The following CTNND2 variants were observed in gnomAD, a reference collection of about 807,000 sequenced individuals.
The protein encoded by CTNND2 is catenin delta 2, also known as catenin delta-2.
CTNND2 carries 22 observed loss-of-function variants against 144.4 expected under a neutral mutation model. That is an observed-to-expected ratio of 0.15 (90% CI 0.11 to 0.22). CTNND2 has a LOEUF of 0.22. Ranked by LOEUF, CTNND2 falls within the 10% of genes least tolerant of loss-of-function variation. CTNND2 has a pLI of 1.00. For missense variants in CTNND2, 1,353 were observed against 1,618.8 expected (o/e 0.84, Z 2.82); for synonymous variants, 751 against 695.6 (o/e 1.08, Z -1.25).
chr5:11,606,770 G>A (rs1780069109), intron 2 of CTNND2, among the ~76,000 whole-genome samples: 1 of 152,186 alleles, frequency 6.6e-6, no homozygotes, highest in South Asian at 2.1e-4. Flanking sequence ...CAGATAAACA[G>A]AGAATGTCTT....
intron 6 of CTNND2, 79 bp from the exon 7 acceptor site, chr5:11,385,308 G>A (rs1352485819): frequency 1.0e-6 from 1 of 960,910 alleles, no homozygotes; most frequent in Non-Finnish European, 1.3e-6. Flanking sequence ...CCGGCCCCGA[G>A]AGCAGAGGCA....
intron 16 of CTNND2, among the ~76,000 whole-genome samples, chr5:11,066,319 T>C (rs1234483402): frequency 6.6e-6 from 1 of 152,252 alleles, no homozygotes; most frequent in Non-Finnish European, 1.5e-5. Context: ...ATTACAGGCA[T>C]GCGCCACCGC....
chr5:11,260,597 A>T (rs1021282996), intron 9 of CTNND2, among the ~76,000 whole-genome samples: 1 of 152,182 alleles, frequency 6.6e-6, no homozygotes, highest in Non-Finnish European at 1.5e-5. Flanking sequence ...GTCGAAGGGG[A>T]AAAGGCAAGA....
chr5:11,784,017 C>T (rs1442361621), intron 1 of CTNND2, among the ~76,000 whole-genome samples: 1 of 152,194 alleles, frequency 6.6e-6, no homozygotes, highest in African/African-American at 2.4e-5. Context: ...AGATGGACCA[C>T]ATACCATGTC....
intron 1 of CTNND2, among the ~76,000 whole-genome samples, chr5:11,742,895 T>C (rs1438930872): frequency 6.6e-6 from 1 of 152,176 alleles, no homozygotes; most frequent in African/African-American, 2.4e-5. Context: ...AGCACCTCAT[T>C]TGTGTAATCA....
chr5:11,557,111 T>A (rs554782337), intron 3 of CTNND2, among the ~76,000 whole-genome samples: 1 of 152,314 alleles, frequency 6.6e-6, no homozygotes, highest in Admixed American at 6.5e-5. Context: ...AAATTTATTT[T>A]CTCTCAAAAA....
intron 6 of CTNND2, among the ~76,000 whole-genome samples, chr5:11,392,617 A>G (rs1404851664): frequency 3.3e-5 from 5 of 152,226 alleles, no homozygotes; most frequent in Non-Finnish European, 5.9e-5. Flanking sequence ...CTTATCCTGG[A>G]AAGAGAAAAT....
intron 16 of CTNND2, among the ~76,000 whole-genome samples, chr5:11,071,827 C>T (rs2907100): frequency 0.99 from 150,106 of 152,268 alleles, 73,995 homozygotes; most frequent in East Asian, 1. Context: ...AAGAAACTCC[C>T]TGGCAAAGTA....
Position 10,972,788 on chromosome 5 carries a change from T to C in CTNND2, c.*665A>G, listed in dbSNP as rs549099621. On this transcript the variant is annotated 3_prime_UTR_variant, in exon 22 of 22. Transcript: ENST00000304623. Reference sequence around the variant, plus strand: ...TCCTTTTTTCCTGCTTTTTTTTTTTTTTGTTAAAACATACTGGGAGAAAGT... The same window carrying C: ...TCCTTTTTTCCTGCTTTTTTTTTTTCTTGTTAAAACATACTGGGAGAAAGT... The C allele has an allele frequency of 2.0e-5, 3 of 152,546 alleles. No individual in the cohort carries two copies. The highest frequency in any genetic ancestry group is 4.8e-5 in the African/African-American group (2 of 41,446). The allele number at this position is 152,546 out of a possible 1,614,324, so 9.4% of individuals were successfully genotyped here. A position where few individuals can be genotyped will look rare whatever the true frequency, so the allele number is the denominator to read the frequency against.
chr5:11,442,885 A>G (rs927093593), intron 3 of CTNND2, among the ~76,000 whole-genome samples: 1 of 147,134 alleles, frequency 6.8e-6, no homozygotes, highest in East Asian at 1.9e-4. Flanking sequence ...AATATTATAT[A>G]TATTTATTAT....
Position 11,384,365 on chromosome 5 carries a change from T to A in CTNND2, c.1177+300A>T. On this transcript the variant is annotated intron_variant, in intron 7 of 21. Transcript: ENST00000304623. The surrounding 1 kb of genome is among the most constrained non-coding windows in gnomAD (Gnocchi z 5.2). ...TCTATGGGATGCTTTCCTAAATGTG[T>A]CTTACTTTTATGAGTTAGTCTTTAG... 1 of 403,434 alleles carries A rather than the reference T, an allele frequency of 2.5e-6. No individual in the cohort carries two copies. The highest frequency in any genetic ancestry group is 4.4e-6 in the Non-Finnish European group (1 of 227,066). 25.0% of individuals were successfully genotyped at this position (403,434 alleles called of 1,614,324 possible).
At chr5:11,806,093 A>G (rs779837583) in intron 1 of CTNND2, among the ~76,000 whole-genome samples, 46 of 152,184 alleles carry the variant, frequency 3.0e-4, no homozygotes, top group Admixed American at 9.2e-4. Flanking sequence ...GAGCCTAAGG[A>G]CACATGATCC....
chr5:11,406,404 A>G (rs1433435163), intron 5 of CTNND2, among the ~76,000 whole-genome samples: 1 of 152,018 alleles, frequency 6.6e-6, no homozygotes, highest in African/African-American at 2.4e-5. Context: ...CATGACTTTT[A>G]TTTTTTGAGC....
At chr5:11,810,268 C>T (rs974361073) in intron 1 of CTNND2, among the ~76,000 whole-genome samples, 5 of 152,000 alleles carry the variant, frequency 3.3e-5, no homozygotes, top group Non-Finnish European at 4.4e-5. Flanking sequence ...AAGATTATGA[C>T]GTAAGCTTTA....
intron 3 of CTNND2, among the ~76,000 whole-genome samples, chr5:11,462,057 G>A (rs1353241334): frequency 6.6e-6 from 1 of 152,100 alleles, no homozygotes; most frequent in East Asian, 1.9e-4. Context: ...CCAGATCACA[G>A]TGGTTTCAGG....
chr5:11,848,390 A>G (rs916844374), intron 1 of CTNND2, among the ~76,000 whole-genome samples: 4 of 152,208 alleles, frequency 2.6e-5, no homozygotes, highest in Non-Finnish European at 4.4e-5. Context: ...TAAATGTAAA[A>G]AGTATAAAAT....
intron 2 of CTNND2, among the ~76,000 whole-genome samples, chr5:11,603,846 ATCCAGTTTTATTTTGGAAACAC>A: frequency 6.6e-6 from 1 of 152,234 alleles, no homozygotes; most frequent in Middle Eastern, 3.4e-3. Flanking sequence ...ACAGCTTACC[ATCCAGTTTTATTTTGGAAACAC>A]TCCATATTTG....
intron 3 of CTNND2, among the ~76,000 whole-genome samples, chr5:11,455,989 T>C (rs1765703263): frequency 6.6e-6 from 1 of 152,230 alleles, no homozygotes; most frequent in Non-Finnish European, 1.5e-5. Flanking sequence ...ACATCTTTCA[T>C]ATGCCATGAG....
chr5:11,889,795 A>T (rs565972601), intron 1 of CTNND2, among the ~76,000 whole-genome samples: 2 of 152,338 alleles, frequency 1.3e-5, no homozygotes, highest in South Asian at 4.1e-4. Context: ...TTACATTGCA[A>T]CTTTTAAAAC....
Sources: gnomAD v4.1 joint callset for allele counts (sites outside exome capture counted in the v4.1 genomes callset) on GRCh38, gnomAD v4.1.1 for gene constraint, Gnocchi (gnomAD v3.1) non-coding constraint, MANE v1.5 for transcripts, NCBI Gene and HGNC (gene_info 2026-07-23, HGNC 2026-07-21) for gene names.